Variants in CLYBL observed in about 807,000 individuals in gnomAD.
CLYBL encodes citramalyl-CoA lyase.
CLYBL carries 31 observed loss-of-function variants against 38.9 expected under a neutral mutation model. That is an observed-to-expected ratio of 0.80 (90% CI 0.60 to 1.08). The LOEUF is 1.08. Ranked by LOEUF, CLYBL falls within the 50% of genes least tolerant of loss-of-function variation. The pLI, the probability that CLYBL is intolerant of heterozygous loss-of-function variation, is 0.00. For synonymous variants in CLYBL, 171 were observed against 158.6 expected (o/e 1.08, Z -0.59); for missense variants, 434 against 411.6 (o/e 1.05, Z -0.47).
chr13:99,890,553 C>T (rs1478835432), intron 7 of CLYBL, among the ~76,000 whole-genome samples: 1 of 152,160 alleles, frequency 6.6e-6, no homozygotes, highest in Non-Finnish European at 1.5e-5. Flanking sequence ...GCAACCTCCA[C>T]CTCCTGGGTT....
In CLYBL at chr13:99,840,622, C is replaced by T. The variant is rs528652486; in HGVS notation, c.250-18239C>T. Among the ~76,000 whole-genome samples, 380 of 151,696 alleles carry T rather than the reference C, an allele frequency of 2.5e-3. 2 individuals carry two copies. Among genetic ancestry groups the T allele is most frequent in the African/African-American group, 8.6e-3 (355 of 41,320 alleles). ...AAAATTAGCCAGGCGTGGGGGCATG[C>T]GCCTGTAGTCCCAGCTACCTGGAAG... On this transcript the variant is annotated intron_variant, in intron 2 of 8. Coordinates refer to ENST00000339105, the MANE Select transcript of CLYBL (RefSeq NM_206808.5).
At chr13:99,887,525 G>A (rs902101446) in intron 7 of CLYBL, among the ~76,000 whole-genome samples, 10 of 152,306 alleles carry the variant, frequency 6.6e-5, no homozygotes, top group Middle Eastern at 6.8e-3. Flanking sequence ...CTGGGAGGCC[G>A]AGGCAGGAGG....
chr13:99,709,899 TA>T lies in CLYBL; in HGVS notation c.63-62924del, dbSNP rs1191372294. The stretch of plus-strand genomic sequence containing the variant: ...GCATTTCAGTAGCTGGTTTCGCCCC[TA>T]CCTTTTTTTTTTTTCTTTCTTTCTT... On this transcript the variant is annotated intron_variant, in intron 1 of 8. Coordinates refer to ENST00000339105, the MANE Select transcript of CLYBL (RefSeq NM_206808.5). Among the ~76,000 whole-genome samples the T allele has an allele frequency of 5.3e-5, 7 of 132,300 alleles. No individual in the cohort carries two copies. The East Asian group carries it at 8.5e-4, about 16-fold the overall frequency. 86.8% of individuals were successfully genotyped at this position (132,300 alleles called of 152,430 possible).
intron 1 of CLYBL, among the ~76,000 whole-genome samples, chr13:99,613,943 C>A (rs9554616): frequency 0.82 from 124,658 of 152,164 alleles, 51,136 homozygotes; most frequent in East Asian, 0.9. Context: ...AGGCAGAGGG[C>A]CCAATCCTCT....
intron 1 of CLYBL, among the ~76,000 whole-genome samples, chr13:99,653,284 A>G (rs1321342152): frequency 1.3e-5 from 2 of 152,022 alleles, no homozygotes; most frequent in African/African-American, 2.4e-5. Context: ...TGATGGATGT[A>G]CTATTTTTTA....
intron 7 of CLYBL, among the ~76,000 whole-genome samples, chr13:99,881,752 A>G (rs1395726948): frequency 2.6e-5 from 4 of 152,210 alleles, no homozygotes; most frequent in Non-Finnish European, 4.4e-5. Context: ...ATGTTTATCC[A>G]TAAAACAAAG....
chr13:99,801,076 G>A (rs2050126142), intron 2 of CLYBL, among the ~76,000 whole-genome samples: 1 of 152,080 alleles, frequency 6.6e-6, no homozygotes, highest in Admixed American at 6.6e-5. Context: ...GGAAGCTGAG[G>A]CTTAAATAAC....
chr13:99,844,655 G>T (rs2051158248), intron 2 of CLYBL, among the ~76,000 whole-genome samples: 2 of 152,216 alleles, frequency 1.3e-5, no homozygotes, highest in East Asian at 1.9e-4. Flanking sequence ...CACTCTCCCT[G>T]TGGGGTGACC....
rs571660808 is a variant in CLYBL, at chr13:99,684,474, A to G, written c.62+77717A>G. Among the ~76,000 whole-genome samples the G allele has an allele frequency of 2.2e-4, 33 of 152,290 alleles. No homozygotes were observed. The East Asian group carries it at 6.0e-3, about 28-fold the overall frequency. On this transcript the variant is annotated intron_variant, in intron 1 of 8. Coordinates refer to ENST00000339105, the MANE Select transcript of CLYBL (RefSeq NM_206808.5). ...GTATCTAAAAACAAACAAACAAAAAATTTAAATAGAAAAGCTGGATTCCGA... is the reference window on the plus strand; with the variant it reads ...GTATCTAAAAACAAACAAACAAAAAGTTTAAATAGAAAAGCTGGATTCCGA...
intron 1 of CLYBL, among the ~76,000 whole-genome samples, chr13:99,627,285 T>C (rs2046883924): frequency 6.6e-6 from 1 of 152,116 alleles, no homozygotes; most frequent in South Asian, 2.1e-4. Context: ...AAAGAAAGCG[T>C]TGAATGTGAT....
chr13:99,864,933 C>T, intron 5 of CLYBL, 22 bp downstream of exon 5: 1 of 1,523,308 alleles, frequency 6.6e-7, no homozygotes, highest in South Asian at 1.1e-5. Context: ...ATCTCTCTCT[C>T]TCTTTTTCTG....
At chr13:99,780,981 TG>T (rs2049635542) in intron 2 of CLYBL, among the ~76,000 whole-genome samples, 1 of 151,912 alleles carries the variant, frequency 6.6e-6, no homozygotes, top group Non-Finnish European at 1.5e-5. Flanking sequence ...CCCAAAGTGC[TG>T]GGATTACAGG....
intron 1 of CLYBL, among the ~76,000 whole-genome samples, chr13:99,699,712 G>A (rs2048033646): frequency 7.1e-6 from 1 of 140,804 alleles, no homozygotes; most frequent in Non-Finnish European, 1.5e-5. Flanking sequence ...AATAAAAATA[G>A]GCCAGGCGCA....
At chr13:99,754,961 A>C (rs1421825542) in intron 1 of CLYBL, among the ~76,000 whole-genome samples, 1 of 149,882 alleles carries the variant, frequency 6.7e-6, no homozygotes, top group East Asian at 2.0e-4. Context: ...GCAGTGGCGC[A>C]ATCTCGCCTC....
chr13:99,622,763 C>T (rs977515549), intron 1 of CLYBL, among the ~76,000 whole-genome samples: 1 of 151,964 alleles, frequency 6.6e-6, no homozygotes, highest in Non-Finnish European at 1.5e-5. Context: ...ATTTACCATT[C>T]CTTTGTATGG....
At position 99,864,820 on chromosome 13, in the gene CLYBL, A is replaced by C; in HGVS notation, c.543A>C (p.Ala181=). The change falls in exon 5 of 9, where the codon GCA becomes GCC. Residue 181 remains alanine (A), a splice_region_variant and synonymous_variant. Coordinates refer to ENST00000339105, the MANE Select transcript of CLYBL (RefSeq NM_206808.5). ...AGTTCTGTTCTGCTCTTTTACAGGC[A>C]GTGTGTGAAGAAACCCTGAAGGTCG... is the stretch of plus-strand genomic sequence containing the variant. ...ETAMGLLNFK[A]VCEETLKVGP... The C allele has an allele frequency of 6.2e-7, 1 of 1,611,516 alleles. No individual in the cohort carries two copies. The highest frequency in any genetic ancestry group is 8.5e-7 in the Non-Finnish European group (1 of 1,177,722).
At chr13:99,818,474 C>A (rs1333841140) in intron 2 of CLYBL, among the ~76,000 whole-genome samples, 2 of 149,784 alleles carry the variant, frequency 1.3e-5, no homozygotes, top group African/African-American at 4.9e-5. Context: ...CACACACACA[C>A]ACACACACAC....
chr13:99,780,680 A>G (rs1182203914), intron 2 of CLYBL, among the ~76,000 whole-genome samples: 2 of 132,684 alleles, frequency 1.5e-5, no homozygotes, highest in Non-Finnish European at 3.2e-5. Flanking sequence ...CCAGCCGACA[A>G]TTTCTCTTTT....
At chr13:99,877,677 A>T (rs2052085195) in intron 7 of CLYBL, 1 of 315,794 alleles carries the variant, frequency 3.2e-6, no homozygotes, top group Non-Finnish European at 6.0e-6. Flanking sequence ...CCCGGGTTCA[A>T]GTGATTCTCC....
Sources: gnomAD v4.1 joint callset for allele counts (sites outside exome capture counted in the v4.1 genomes callset) on GRCh38, gnomAD v4.1.1 for gene constraint, MANE v1.5 for transcripts, NCBI Gene and HGNC (gene_info 2026-07-23, HGNC 2026-07-21) for gene names.